The following DMD variants were observed in gnomAD, a reference collection of about 807,000 sequenced individuals.
DMD encodes mutant dystrophin.
DMD carries 63 observed loss-of-function variants against 330.1 expected under a neutral mutation model. The ratio of observed to expected loss-of-function variants is 0.19; its 90% CI spans 0.16 to 0.24. The LOEUF is 0.24. DMD is among the 10% of genes least tolerant of loss of function. DMD has a pLI of 1.00. For missense variants in DMD, 3,344 were observed against 2,684.1 expected, an observed-to-expected ratio of 1.25 and a Z score of -5.43; for synonymous variants, 1,223 against 959.8, an observed-to-expected ratio of 1.27 and a Z score of -5.07.
At chrX:32,848,220 C>T (rs1043282280) in intron 3 of DMD, among the ~76,000 whole-genome samples, 11 of 111,685 alleles carry the variant, frequency 9.8e-5, no homozygotes, top group South Asian at 3.7e-4. Context: ...AGATTTTTCA[C>T]GAACATTTGG....
At chrX:31,340,563 T>G (rs933607079) in intron 61 of DMD, among the ~76,000 whole-genome samples, 3 of 112,445 alleles carry the variant, frequency 2.7e-5, no homozygotes, top group African/African-American at 9.7e-5. Flanking sequence ...ATAGTTGTGA[T>G]CATGCTGTAA....
At chrX:32,947,661 G>A (rs975425003) in intron 2 of DMD, among the ~76,000 whole-genome samples, 2 of 111,727 alleles carry the variant, frequency 1.8e-5, no homozygotes, top group African/African-American at 6.5e-5. Context: ...TTTCATTGAG[G>A]AAAGTCATAC....
At chrX:31,147,243 A>G in intron 75 of DMD, 32 bp downstream of exon 75, 1 of 1,210,508 alleles carries the variant, frequency 8.3e-7, no homozygotes, top group South Asian at 1.8e-5. Context: ...GGGAAAAATG[A>G]ATGTTTGTAA....
At chrX:32,212,254 A>T (rs2097096295) in intron 44 of DMD, among the ~76,000 whole-genome samples, 3 of 112,079 alleles carry the variant, frequency 2.7e-5, no homozygotes, top group Non-Finnish European at 5.6e-5. Context: ...AGAAGAAATT[A>T]TACTACATAA....
At chrX:33,249,414 G>C (rs2052731046) in intron 1 of DMD, among the ~76,000 whole-genome samples, 2 of 112,065 alleles carry the variant, frequency 1.8e-5, no homozygotes, top group African/African-American at 6.5e-5. Flanking sequence ...GCCTCCCAAA[G>C]TGCTGGTATT....
At chrX:33,065,275 A>G (rs1026390123) in intron 1 of DMD, among the ~76,000 whole-genome samples, 1 of 112,755 alleles carries the variant, frequency 8.9e-6, no homozygotes, top group African/African-American at 3.2e-5. Flanking sequence ...ATTTACAAGG[A>G]AAACATTCTG....
intron 21 of DMD, among the ~76,000 whole-genome samples, chrX:32,477,763 T>C (rs1010432753): frequency 1.8e-5 from 2 of 110,440 alleles, no homozygotes; most frequent in African/African-American, 3.3e-5. Flanking sequence ...AAAATAGAAC[T>C]ACTCAGAAAA....
At chrX:33,065,023 G>A (rs1050161245) in intron 1 of DMD, among the ~76,000 whole-genome samples, 2 of 112,216 alleles carry the variant, frequency 1.8e-5, no homozygotes, top group Non-Finnish European at 3.8e-5. Flanking sequence ...ATACAGGTTT[G>A]TGTACAAATA....
At chrX:33,021,429 TGA>T (rs2093912115) in intron 1 of DMD, among the ~76,000 whole-genome samples, 1 of 111,411 alleles carries the variant, frequency 9.0e-6, no homozygotes, top group Non-Finnish European at 1.9e-5. Flanking sequence ...TGAATGCATC[TGA>T]GAGATATTTA....
At chrX:33,005,291 C>CACACACACAG (rs2093370265) in intron 2 of DMD, among the ~76,000 whole-genome samples, 2 of 82,608 alleles carry the variant, frequency 2.4e-5, no homozygotes, top group Admixed American at 2.6e-4. Flanking sequence ...CACACACACA[C>CACACACACAG]ACACGCATAT....
chrX:31,409,473 G>T (rs769886345), intron 60 of DMD, among the ~76,000 whole-genome samples: 23 of 112,283 alleles, frequency 2.0e-4, no homozygotes, highest in African/African-American at 7.4e-4. Flanking sequence ...GGGAAATGGG[G>T]GCTTCTCCCA....
intron 67 of DMD, among the ~76,000 whole-genome samples, chrX:31,188,115 T>A (rs943551504): frequency 1.8e-5 from 2 of 112,330 alleles, no homozygotes; most frequent in Non-Finnish European, 3.8e-5. Flanking sequence ...TCATGTTGGC[T>A]CTTTTAAAAC....
intron 44 of DMD, among the ~76,000 whole-genome samples, chrX:32,151,102 A>T (rs1043392870): frequency 1.8e-5 from 2 of 112,060 alleles, no homozygotes; most frequent in Non-Finnish European, 3.8e-5. Flanking sequence ...AAGAAAGTTT[A>T]AAAAAAGAAA....
chrX:31,327,487 T>C (rs977386265), intron 61 of DMD, among the ~76,000 whole-genome samples: 11 of 111,806 alleles, frequency 9.8e-5, no homozygotes, highest in Non-Finnish European at 2.1e-4. Context: ...TTAATCAACA[T>C]AGGGGCCTAA....
intron 24 of DMD, among the ~76,000 whole-genome samples, 179 bp downstream of exon 24, chrX:32,464,407 C>G (rs2098394112): frequency 9.1e-6 from 1 of 110,074 alleles, no homozygotes; most frequent in African/African-American, 3.3e-5. Flanking sequence ...CTATTAGACA[C>G]CAGTAGCATC....
chrX:32,758,535 G>A (rs1343985069), intron 7 of DMD, among the ~76,000 whole-genome samples: 1 of 111,277 alleles, frequency 9.0e-6, no homozygotes, highest in Non-Finnish European at 1.9e-5. Context: ...ATGGGTCACA[G>A]CACAGCACTT....
chrX:31,250,483 T>TC (rs2049239059), intron 63 of DMD, among the ~76,000 whole-genome samples: 1 of 112,049 alleles, frequency 8.9e-6, no homozygotes, highest in African/African-American at 3.2e-5. Context: ...TTAATTATCC[T>TC]CCCCCGACCT....
chrX:32,927,473 T>C (rs1017143648), intron 2 of DMD, among the ~76,000 whole-genome samples: 3 of 107,044 alleles, frequency 2.8e-5, no homozygotes, highest in Non-Finnish European at 5.8e-5. Flanking sequence ...GTGGAGATGA[T>C]GTTTCTCCAT....
At chrX:31,723,792 T>A (rs62589510) in intron 52 of DMD, among the ~76,000 whole-genome samples, 1 of 109,835 alleles carries the variant, frequency 9.1e-6, no homozygotes, top group Non-Finnish European at 1.9e-5. Flanking sequence ...GTCTTATTCA[T>A]GACCAGGTCA....
Sources: gnomAD v4.1 joint callset for allele counts (sites outside exome capture counted in the v4.1 genomes callset) on GRCh38, gnomAD v4.1.1 for gene constraint, MANE v1.5 for transcripts, NCBI Gene and HGNC (gene_info 2026-07-23, HGNC 2026-07-21) for gene names.